PDE6C: variants seen among roughly 807,000 people sequenced by gnomAD.
PDE6C encodes the protein cone cGMP-specific 3',5'-cyclic phosphodiesterase subunit alpha'.
In PDE6C, 75 loss-of-function variants were observed where a neutral mutation model predicts 113.1. That is an observed-to-expected ratio of 0.66 (90% CI 0.55 to 0.80). The LOEUF (loss-of-function observed/expected upper bound fraction) is 0.80, where lower values mean the gene tolerates loss of function less well. Ranked by LOEUF, PDE6C falls within the 30% of genes least tolerant of loss-of-function variation. The pLI is 0.00. For synonymous variants in PDE6C, 375 were observed against 363.7 expected (o/e 1.03, Z -0.35); for missense variants, 912 against 1,038.6 (o/e 0.88, Z 1.67).
chr10:93,628,571 C>G (rs2058485307), intron 7 of PDE6C, among the ~76,000 whole-genome samples: 1 of 151,942 alleles, frequency 6.6e-6, no homozygotes, highest in Admixed American at 6.6e-5. Flanking sequence ...GGAAACAGAA[C>G]AAAAACTCCA....
chr10:93,625,883 G>A (rs1342814435), intron 5 of PDE6C, among the ~76,000 whole-genome samples: 1 of 152,172 alleles, frequency 6.6e-6, no homozygotes, highest in Non-Finnish European at 1.5e-5. Flanking sequence ...GGGCTTGGTA[G>A]ACCAGTGGTT....
intron 10 of PDE6C, among the ~76,000 whole-genome samples, chr10:93,636,349 T>G (rs1438521233): frequency 6.7e-6 from 1 of 149,458 alleles, no homozygotes; most frequent in Non-Finnish European, 1.5e-5. Flanking sequence ...CCATCTCTAT[T>G]TCTTTTATTT....
rs1046231282 is a variant in PDE6C at position 93,629,150 on chromosome 10, C to T, written c.1072-108C>T. The T allele has an allele frequency of 6.5e-5, 58 of 895,670 alleles. No homozygotes were observed. In the African/African-American group the frequency reaches 7.4e-4, roughly 11 times the overall value. 55.5% of individuals were successfully genotyped at this position (895,670 alleles called of 1,614,324 possible). A position where few individuals can be genotyped will look rare whatever the true frequency, so the allele number is the denominator to read the frequency against. The stretch of plus-strand genomic sequence containing the variant: ...CATTTGCCCGCAAGCAGTCAAGAGC[C>T]GTGTAGAAAATCCTCACTCCCAATG... On this transcript the variant is annotated intron_variant, in intron 7 of 21. Coordinates refer to ENST00000371447, the MANE Select transcript of PDE6C (RefSeq NM_006204.4).
chr10:93,656,180 G>C (rs1297699864), intron 16 of PDE6C, among the ~76,000 whole-genome samples: 3 of 152,236 alleles, frequency 2.0e-5, no homozygotes, highest in African/African-American at 7.2e-5. Context: ...TGTCAAAAGA[G>C]TGAAGCCAAG....
intron 8 of PDE6C, among the ~76,000 whole-genome samples, chr10:93,629,643 G>A (rs568013626): frequency 9.2e-5 from 14 of 152,126 alleles, no homozygotes; most frequent in African/African-American, 2.4e-4. Context: ...GGTGGGAGAT[G>A]GTTTTGGGAT....
At chr10:93,642,969 A>G (rs2134614208) in intron 14 of PDE6C, among the ~76,000 whole-genome samples, 1 of 152,320 alleles carries the variant, frequency 6.6e-6, no homozygotes, top group East Asian at 1.9e-4. Context: ...GTCCCCTGAC[A>G]GTCACTGAAG....
intron 1 of PDE6C, among the ~76,000 whole-genome samples, chr10:93,619,529 C>T (rs1192783752): frequency 1.3e-5 from 2 of 152,156 alleles, no homozygotes; most frequent in Admixed American, 6.5e-5. Flanking sequence ...CGGGTTCAAG[C>T]GACTCCCCTG....
intron 15 of PDE6C, among the ~76,000 whole-genome samples, chr10:93,647,548 C>T (rs960201180): frequency 6.6e-6 from 1 of 152,200 alleles, no homozygotes; most frequent in Non-Finnish European, 1.5e-5. Flanking sequence ...CCTGCTGTGG[C>T]ATTTCTAATT....
chr10:93,664,224 C>T (rs535823701), intron 21 of PDE6C, among the ~76,000 whole-genome samples: 3 of 152,294 alleles, frequency 2.0e-5, no homozygotes, highest in South Asian at 2.1e-4. Flanking sequence ...GCACAATTAA[C>T]GATCTCGAAG....
chr10:93,640,545 T>C lies in PDE6C; in HGVS notation c.1725T>C (p.Phe575=). The change falls in exon 13 of 22, where the codon TTT becomes TTC. Residue 575 remains phenylalanine, a synonymous_variant. Coordinates refer to ENST00000371447, the MANE Select transcript of PDE6C (RefSeq NM_006204.4). ...GGTTCAACGTGGGGCAGACCATGTT[T>C]ACTTTGCTGATGGTAGGTACAGAGG... ...RHGFNVGQTM[F]TLLMTGRLKK... is the part of the protein sequence containing the mutation. 1 of 1,609,966 alleles carries C rather than the reference T, an allele frequency of 6.2e-7. No individual in the cohort carries two copies.
chr10:93,653,904 A>C (rs1371066634), intron 15 of PDE6C, among the ~76,000 whole-genome samples: 6 of 152,196 alleles, frequency 3.9e-5, no homozygotes, highest in African/African-American at 1.4e-4. Flanking sequence ...AAGATGACTT[A>C]AGGGAAGATT....
chr10:93,660,672 A>G (rs1276522452), intron 18 of PDE6C, among the ~76,000 whole-genome samples: 1 of 152,104 alleles, frequency 6.6e-6, no homozygotes, highest in African/African-American at 2.4e-5. Flanking sequence ...GTCCAAAACC[A>G]AATGCTTCCT....
intron 10 of PDE6C, among the ~76,000 whole-genome samples, chr10:93,636,365 G>GC (rs2058529658): frequency 4.3e-5 from 1 of 23,394 alleles, no homozygotes; most frequent in Non-Finnish European, 1.3e-4. Context: ...TATTTCCCTG[G>GC]CTTTGTGTGT....
At chr10:93,613,382 A>G (rs1305069605) in intron 1 of PDE6C, among the ~76,000 whole-genome samples, 177 bp downstream of exon 1, 2 of 152,230 alleles carry the variant, frequency 1.3e-5, no homozygotes, top group East Asian at 1.9e-4. Flanking sequence ...TGAAATTTCA[A>G]GTTGCCCAGT....
chr10:93,653,570 G>C (rs2058619187), intron 15 of PDE6C, among the ~76,000 whole-genome samples: 1 of 152,044 alleles, frequency 6.6e-6, no homozygotes, highest in Non-Finnish European at 1.5e-5. Flanking sequence ...CTTGAACCCA[G>C]GAGGCAGAGG....
intron 8 of PDE6C, among the ~76,000 whole-genome samples, chr10:93,630,618 A>G (rs544170919): frequency 6.6e-6 from 1 of 152,160 alleles, no homozygotes; most frequent in African/African-American, 2.4e-5. Flanking sequence ...TCTCAGTCAC[A>G]AATAGAGACT....
intron 13 of PDE6C, 56 bp from the exon 14 acceptor site, chr10:93,640,864 A>C: frequency 9.0e-7 from 1 of 1,114,248 alleles, no homozygotes; most frequent in Non-Finnish European, 1.4e-6. Context: ...CACTTGGTAT[A>C]GAGGTATATT....
At position 93,665,626 on chromosome 10, in the gene PDE6C, A is replaced by C. The variant is rs919080896; in HGVS notation, c.*208A>C. On this transcript the variant is annotated 3_prime_UTR_variant, in exon 22 of 22. Transcript: ENST00000371447. Reference sequence around the variant, plus strand: ...TGCAAAATATGACAAAAATAGGTACATTTTTGGTGCCAATTTATTTTAAAT... The same window carrying C: ...TGCAAAATATGACAAAAATAGGTACCTTTTTGGTGCCAATTTATTTTAAAT... 5.3e-6 allele frequency: 3 copies of C among 563,182 alleles called. No homozygotes were observed. In the African/African-American group the frequency reaches 5.7e-5, roughly 11 times the overall value. The allele number at this position is 563,182 out of a possible 1,614,324, so 34.9% of individuals were successfully genotyped here. A position where few individuals can be genotyped will look rare whatever the true frequency, so the allele number is the denominator to read the frequency against.
At chr10:93,663,516 G>GA (rs1197385456) in intron 21 of PDE6C, among the ~76,000 whole-genome samples, 2 of 152,118 alleles carry the variant, frequency 1.3e-5, no homozygotes, top group Non-Finnish European at 2.9e-5. Context: ...AGTTAGGTGA[G>GA]AAAAAAGTTT....
Sources: allele counts gnomAD v4.1 joint callset (sites outside exome capture counted in the v4.1 genomes callset), GRCh38; gene constraint gnomAD v4.1.1; transcripts MANE v1.5; gene names NCBI Gene and HGNC (gene_info 2026-07-23, HGNC 2026-07-21).